The following IMMP2L variants were observed in gnomAD, a reference collection of about 807,000 sequenced individuals.
IMMP2L encodes inner mitochondrial membrane peptidase subunit 2.
Under a neutral mutation model 19.3 loss-of-function variants are expected in IMMP2L, and 18 were observed. That is an observed-to-expected ratio of 0.93 (90% CI 0.64 to 1.38). The LOEUF is 1.38. Among genes scored for constraint, IMMP2L ranks in the 40% most tolerant of loss-of-function variants. The pLI is 0.00. For missense variants in IMMP2L, 233 were observed against 218.2 expected (o/e 1.07, Z -0.43); for synonymous variants, 76 against 73.0 (o/e 1.04, Z -0.21).
In IMMP2L at chr7:110,792,468, T is replaced by C. The variant is rs1800527436; in HGVS notation, c.408+94125A>G. 2.0e-5 allele frequency among the ~76,000 whole-genome samples: 3 copies of C among 152,204 alleles called. No individual in the cohort carries two copies. The South Asian group carries it at 6.2e-4, about 32-fold the overall frequency. Reference sequence around the variant, plus strand: ...TCTTGATAGTCACTGAGACTAAACATCCGGCTTTTCTGGCCTTTAAAAAAA... The same window carrying C: ...TCTTGATAGTCACTGAGACTAAACACCCGGCTTTTCTGGCCTTTAAAAAAA... On this transcript the variant is annotated intron_variant, in intron 5 of 5. Coordinates refer to ENST00000405709, the MANE Select transcript of IMMP2L (RefSeq NM_032549.4).
intron 3 of IMMP2L, among the ~76,000 whole-genome samples, chr7:111,272,503 G>A (rs1818572665): frequency 6.6e-6 from 1 of 152,164 alleles, no homozygotes; most frequent in Non-Finnish European, 1.5e-5. Context: ...CACTAGCTAA[G>A]CTCCACAAGG....
chr7:111,083,378 A>G (rs1462102293), intron 3 of IMMP2L, among the ~76,000 whole-genome samples: 2 of 152,192 alleles, frequency 1.3e-5, no homozygotes, highest in Non-Finnish European at 2.9e-5. Context: ...GGAGAATAAA[A>G]ATATTGTCAA....
At chr7:111,532,679 G>A (rs1847511682) in intron 1 of IMMP2L, 1 of 152,028 alleles carries the variant, frequency 6.6e-6, no homozygotes, top group African/African-American at 2.4e-5. Flanking sequence ...CTAGCCCAGG[G>A]ACTATTACTA....
intron 5 of IMMP2L, among the ~76,000 whole-genome samples, chr7:110,845,067 A>G (rs937598195): frequency 2.0e-5 from 3 of 152,062 alleles, no homozygotes; most frequent in Non-Finnish European, 4.4e-5. Context: ...CAATATTTCA[A>G]TCTAAAATCC....
chr7:111,469,782 C>A (rs1414504803), intron 3 of IMMP2L, among the ~76,000 whole-genome samples: 1 of 152,056 alleles, frequency 6.6e-6, no homozygotes, highest in Non-Finnish European at 1.5e-5. Flanking sequence ...TAGAAGAAAA[C>A]CTAGGCAATA....
intron 3 of IMMP2L, among the ~76,000 whole-genome samples, chr7:110,981,567 T>TG (rs973778146): frequency 6.6e-6 from 1 of 151,690 alleles, no homozygotes; most frequent in African/African-American, 2.4e-5. Flanking sequence ...ACTTTTTATT[T>TG]GAAAAAAAAA....
At chr7:110,673,106 G>T (rs1302646571) in intron 5 of IMMP2L, among the ~76,000 whole-genome samples, 1 of 152,204 alleles carries the variant, frequency 6.6e-6, no homozygotes, top group Non-Finnish European at 1.5e-5. Flanking sequence ...GGACATCCAG[G>T]CATTTCCATA....
intron 1 of IMMP2L, among the ~76,000 whole-genome samples, chr7:111,535,194 C>T (rs1847771816): frequency 6.6e-6 from 1 of 151,870 alleles, no homozygotes; most frequent in East Asian, 1.9e-4. Context: ...TTCAGGAATG[C>T]ATGTATGTCA....
intron 5 of IMMP2L, among the ~76,000 whole-genome samples, chr7:110,684,523 T>G (rs1489923011): frequency 6.6e-6 from 1 of 151,906 alleles, no homozygotes; most frequent in East Asian, 1.9e-4. Flanking sequence ...ATCACACAAT[T>G]CCATTGTGTG....
chr7:111,209,930 TAGCCCTGTTCC>T (rs1462117828), intron 3 of IMMP2L, among the ~76,000 whole-genome samples: 2 of 152,196 alleles, frequency 1.3e-5, no homozygotes, highest in Non-Finnish European at 2.9e-5. Context: ...ATATGCCTAT[TAGCCCTGTTCC>T]AGTTCATGGG....
chr7:111,429,883 A>G (rs1475039647), intron 3 of IMMP2L, among the ~76,000 whole-genome samples: 1 of 151,518 alleles, frequency 6.6e-6, no homozygotes, highest in East Asian at 1.9e-4. Flanking sequence ...AAAAATCAAA[A>G]TCAGAGATGG....
chr7:111,409,192 T>C (rs1413098536), intron 3 of IMMP2L, among the ~76,000 whole-genome samples: 1 of 151,822 alleles, frequency 6.6e-6, no homozygotes, highest in African/African-American at 2.4e-5. Flanking sequence ...ATTTAAGACA[T>C]CCATTTAAAG....
At chr7:110,697,402 A>C (rs1793970636) in intron 5 of IMMP2L, among the ~76,000 whole-genome samples, 1 of 152,222 alleles carries the variant, frequency 6.6e-6, no homozygotes, top group Non-Finnish European at 1.5e-5. Context: ...AGAATGGCTA[A>C]TTTACCTCAC....
intron 3 of IMMP2L, among the ~76,000 whole-genome samples, chr7:110,998,000 A>G (rs974452520): frequency 6.6e-5 from 10 of 152,078 alleles, no homozygotes; most frequent in African/African-American, 2.4e-4. Context: ...TTCCCCTCCC[A>G]TATCTGCATA....
chr7:110,677,021 CAG>C (rs1271644554), intron 5 of IMMP2L, among the ~76,000 whole-genome samples: 1 of 152,168 alleles, frequency 6.6e-6, no homozygotes, highest in Non-Finnish European at 1.5e-5. Flanking sequence ...CTTGACAGTA[CAG>C]AGACACTGCT....
chr7:110,745,960 T>C (rs548654403), intron 5 of IMMP2L, among the ~76,000 whole-genome samples: 31 of 151,928 alleles, frequency 2.0e-4, no homozygotes, highest in African/African-American at 5.8e-4. Flanking sequence ...GACTGGCAAA[T>C]TGGATGAAGA....
chr7:111,544,278 G>A (rs1848727623), intron 1 of IMMP2L, among the ~76,000 whole-genome samples: 1 of 151,954 alleles, frequency 6.6e-6, no homozygotes, highest in Non-Finnish European at 1.5e-5. Flanking sequence ...GATAGCATTA[G>A]GAGATATACC....
At chr7:110,976,527 A>G (rs115231013) in intron 3 of IMMP2L, among the ~76,000 whole-genome samples, 1,899 of 152,192 alleles carry the variant, frequency 0.012, 31 homozygotes, top group African/African-American at 0.043. Flanking sequence ...TCTAATAAAA[A>G]TGGCAACTGA....
At chr7:111,467,844 C>T (rs1840827845) in intron 3 of IMMP2L, among the ~76,000 whole-genome samples, 2 of 152,082 alleles carry the variant, frequency 1.3e-5, no homozygotes, top group African/African-American at 4.8e-5. Context: ...AGAAGTAGTA[C>T]ACTCCAATTA....
Sources: allele counts gnomAD v4.1 joint callset (sites outside exome capture counted in the v4.1 genomes callset), GRCh38; gene constraint gnomAD v4.1.1; transcripts MANE v1.5; gene names NCBI Gene and HGNC (gene_info 2026-07-23, HGNC 2026-07-21).